HMGN3: variants seen among roughly 807,000 people sequenced by gnomAD.
HMGN3 encodes the protein high mobility group nucleosomal binding domain 3, also known as high mobility group nucleosome-binding domain-containing protein 3.
HMGN3 carries 6 observed loss-of-function variants against 18.8 expected under a neutral mutation model. The observed-to-expected ratio is 0.32, with a 90% confidence interval of 0.18 to 0.63. The LOEUF (loss-of-function observed/expected upper bound fraction) is 0.63. Ranked by LOEUF, HMGN3 falls within the 30% of genes least tolerant of loss-of-function variation. The probability of loss-of-function intolerance (pLI) is 0.79; values close to 1 mark genes in which losing one functional copy is unlikely to be tolerated. For synonymous variants in HMGN3, 40 were observed against 36.5 expected (o/e 1.10, Z -0.35); for missense variants, 107 against 114.2 (o/e 0.94, Z 0.29).
chr6:79,226,081 T>C (rs1777553270), intron 1 of HMGN3, among the ~76,000 whole-genome samples: 1 of 152,238 alleles, frequency 6.6e-6, no homozygotes, highest in African/African-American at 2.4e-5. Context: ...GAAAGTATTA[T>C]GGTGTAATAG....
At chr6:79,224,802 C>T (rs1777482503) in intron 1 of HMGN3, among the ~76,000 whole-genome samples, 1 of 152,128 alleles carries the variant, frequency 6.6e-6, no homozygotes, top group African/African-American at 2.4e-5. Context: ...TAACAGGGCT[C>T]TTAAAAGAGA....
chr6:79,223,513 C>A (rs1486403503), intron 1 of HMGN3, among the ~76,000 whole-genome samples: 1 of 151,724 alleles, frequency 6.6e-6, no homozygotes, highest in Non-Finnish European at 1.5e-5. Flanking sequence ...TCTATCTCAA[C>A]AAACAAACAA....
At chr6:79,226,370 G>T (rs564646856) in intron 1 of HMGN3, among the ~76,000 whole-genome samples, 1 of 152,116 alleles carries the variant, frequency 6.6e-6, no homozygotes, top group African/African-American at 2.4e-5. Flanking sequence ...ATGAGAACGG[G>T]AAACGGACAC....
intron 1 of HMGN3, among the ~76,000 whole-genome samples, chr6:79,223,739 CTTT>C (rs11461795): frequency 6.8e-6 from 1 of 147,460 alleles, no homozygotes. Flanking sequence ...CTAGAGTTAC[CTTT>C]TTTTTTTTTT....
At chr6:79,215,083 T>A in intron 1 of HMGN3, 61 bp from the exon 2 acceptor site, 1 of 1,057,198 alleles carries the variant, frequency 9.5e-7, no homozygotes, top group Non-Finnish European at 1.4e-6. Context: ...TAGAAAAATG[T>A]TTTTAAAAAG....
intron 1 of HMGN3, among the ~76,000 whole-genome samples, chr6:79,224,741 C>T (rs181672271): frequency 2.6e-5 from 4 of 152,102 alleles, no homozygotes; most frequent in Admixed American, 2.0e-4. Flanking sequence ...GTGACCTTCC[C>T]GAGGTAAAAA....
intron 1 of HMGN3, among the ~76,000 whole-genome samples, chr6:79,216,309 T>C (rs1378227390): frequency 6.6e-6 from 1 of 152,216 alleles, no homozygotes; most frequent in Non-Finnish European, 1.5e-5. Context: ...AACTATTACT[T>C]ATTTACATAT....
At chr6:79,229,917 G>A (rs1326167812) in intron 1 of HMGN3, among the ~76,000 whole-genome samples, 3 of 151,984 alleles carry the variant, frequency 2.0e-5, no homozygotes, top group African/African-American at 7.3e-5. Context: ...CATACCACCT[G>A]CCAGTTCTAC....
At chr6:79,217,358 G>A (rs1323358255) in intron 1 of HMGN3, among the ~76,000 whole-genome samples, 1 of 152,176 alleles carries the variant, frequency 6.6e-6, no homozygotes, top group Non-Finnish European at 1.5e-5. Flanking sequence ...ATACCTAGAA[G>A]CTGTACGATC....
intron 1 of HMGN3, among the ~76,000 whole-genome samples, chr6:79,221,648 G>A (rs1488058615): frequency 6.6e-6 from 1 of 152,174 alleles, no homozygotes; most frequent in Non-Finnish European, 1.5e-5. Flanking sequence ...TCAGAAGAGT[G>A]TAAGAAAATC....
At chr6:79,223,767 T>C (rs1777423506) in intron 1 of HMGN3, among the ~76,000 whole-genome samples, 1 of 151,716 alleles carries the variant, frequency 6.6e-6, no homozygotes, top group Admixed American at 6.6e-5. Flanking sequence ...GCTGTGGTTT[T>C]GTACAAACAT....
chr6:79,221,373 C>T lies in HMGN3; in HGVS notation c.16-6351G>A, dbSNP rs116715097. On this transcript the variant is annotated intron_variant, in intron 1 of 5. Transcript: ENST00000344726. Reference sequence around the variant, plus strand: ...GCTGACCAACTGTGCCATCCCCATTCTTTCTTTACACAAAGATGCCTGGGT... The same window carrying T: ...GCTGACCAACTGTGCCATCCCCATTTTTTCTTTACACAAAGATGCCTGGGT... Among the ~76,000 whole-genome samples the T allele has an allele frequency of 2.5e-3, 379 of 152,318 alleles. 5 individuals are homozygous for T. Among genetic ancestry groups the T allele is most frequent in the African/African-American group, 8.7e-3 (361 of 41,548 alleles).
At chr6:79,212,279 T>A (rs909145968) in intron 2 of HMGN3, among the ~76,000 whole-genome samples, 1 of 152,206 alleles carries the variant, frequency 6.6e-6, no homozygotes, top group Non-Finnish European at 1.5e-5. Flanking sequence ...GGGAAAATCA[T>A]GTTTCTCTGA....
chr6:79,208,689 G>A, intron 2 of HMGN3, 113 bp from the exon 3 acceptor site: 1 of 846,172 alleles, frequency 1.2e-6, no homozygotes, highest in South Asian at 1.4e-5. Flanking sequence ...TATAATGTAT[G>A]ATTCCCATCA....
intron 3 of HMGN3, among the ~76,000 whole-genome samples, chr6:79,205,464 C>T (rs566080642): frequency 7.9e-5 from 12 of 152,354 alleles, no homozygotes; most frequent in African/African-American, 2.9e-4. Flanking sequence ...CGCACAAGCG[C>T]TCTCTCTCTT....
At chr6:79,230,592 T>C (rs1254078729) in intron 1 of HMGN3, among the ~76,000 whole-genome samples, 1 of 152,210 alleles carries the variant, frequency 6.6e-6, no homozygotes, top group Non-Finnish European at 1.5e-5. Context: ...ATATTGTACA[T>C]TTCTTTGATT....
intron 2 of HMGN3, among the ~76,000 whole-genome samples, chr6:79,213,582 G>C (rs547840576): frequency 6.6e-6 from 1 of 152,104 alleles, no homozygotes; most frequent in Non-Finnish European, 1.5e-5. Context: ...TTTTTGGTTG[G>C]TTCTTGCATG....
intron 1 of HMGN3, among the ~76,000 whole-genome samples, chr6:79,225,782 A>G (rs1442611571): frequency 2.6e-5 from 4 of 152,206 alleles, no homozygotes; most frequent in African/African-American, 4.8e-5. Flanking sequence ...CCTACAGTCC[A>G]CTAGTTACTG....
intron 1 of HMGN3, among the ~76,000 whole-genome samples, chr6:79,218,631 A>G (rs558443640): frequency 1.3e-5 from 2 of 152,332 alleles, no homozygotes; most frequent in East Asian, 1.9e-4. Flanking sequence ...ATAACAAATG[A>G]TAACTGCAAA....
Sources: allele counts gnomAD v4.1 joint callset (sites outside exome capture counted in the v4.1 genomes callset), GRCh38; gene constraint gnomAD v4.1.1; transcripts MANE v1.5; gene names NCBI Gene and HGNC (gene_info 2026-07-23, HGNC 2026-07-21).